MNDA: variants seen among roughly 807,000 people sequenced by gnomAD.
MNDA encodes the protein myeloid cell nuclear differentiation antigen.
A neutral mutation model predicts 37.8 loss-of-function variants in MNDA; 43 were observed. The observed-to-expected ratio is 1.14, with a 90% CI of 0.89 to 1.47. The LOEUF (loss-of-function observed/expected upper bound fraction) is 1.47, where lower values mean the gene tolerates loss of function less well. Ranked by LOEUF, MNDA falls within the 40% of genes most tolerant of loss-of-function variation. The pLI, the probability that MNDA is intolerant of heterozygous loss-of-function variation, is 0.00. For synonymous variants in MNDA, 181 were observed against 169.0 expected (o/e 1.07, Z -0.55); for missense variants, 536 against 476.0 (o/e 1.13, Z -1.17).
At chr1:158,842,081 T>G (rs1179393809) in intron 1 of MNDA, 53 bp from the exon 2 acceptor site, 1 of 1,478,874 alleles carries the variant, frequency 6.8e-7, no homozygotes, top group Non-Finnish European at 9.1e-7. Context: ...TATCTCATTT[T>G]TTAAAATTGT....
intron 2 of MNDA, among the ~76,000 whole-genome samples, chr1:158,843,039 A>C (rs1659062883): frequency 6.6e-6 from 1 of 152,234 alleles, no homozygotes. Context: ...GAAAGGAAGC[A>C]TGTTCTCACT....
chr1:158,842,963 T>C (rs1558056914), intron 2 of MNDA, among the ~76,000 whole-genome samples: 1 of 152,186 alleles, frequency 6.6e-6, no homozygotes, highest in East Asian at 1.9e-4. Context: ...AAGCCTTAGA[T>C]ATTTAAAAGA....
At chr1:158,847,945 T>G (rs1268678546) in intron 6 of MNDA, 29 bp downstream of exon 6, 6 of 1,588,878 alleles carry the variant, frequency 3.8e-6, no homozygotes, top group Non-Finnish European at 5.1e-6. Flanking sequence ...AGAATGAGTT[T>G]GCTAAAGAGG....
intron 1 of MNDA, among the ~76,000 whole-genome samples, chr1:158,836,151 A>AC (rs57473268): frequency 2.0e-5 from 3 of 151,768 alleles, no homozygotes; most frequent in Non-Finnish European, 4.4e-5. Flanking sequence ...TAAAAAAAAA[A>AC]TGCATCGACA....
At chr1:158,835,406 C>T (rs1027940263) in intron 1 of MNDA, among the ~76,000 whole-genome samples, 1 of 151,906 alleles carries the variant, frequency 6.6e-6, no homozygotes, top group Non-Finnish European at 1.5e-5. Context: ...CCTTTTTGTT[C>T]GTTGTTAGCG....
Position 158,831,459 on chromosome 1 carries a change from G to A in MNDA, c.-119G>A, listed in dbSNP as rs1658801140. On this transcript the variant is annotated 5_prime_UTR_variant, in exon 1 of 7. Coordinates refer to ENST00000368141, the MANE Select transcript of MNDA (RefSeq NM_002432.3). Reference sequence around the variant, plus strand: ...CTTTACAAGATTAAAATAGTCTGCAGTTTAATCTCTCCAAAGCTTTACGGA... The same window carrying A: ...CTTTACAAGATTAAAATAGTCTGCAATTTAATCTCTCCAAAGCTTTACGGA... 2 of 152,190 alleles carry A rather than the reference G, an allele frequency of 1.3e-5. No homozygotes were observed. Among genetic ancestry groups the A allele is most frequent in the South Asian group, 4.1e-4 (2 of 4,834 alleles). The allele number at this position is 152,190 out of a possible 1,614,324, so 9.4% of individuals were successfully genotyped here.
intron 1 of MNDA, among the ~76,000 whole-genome samples, chr1:158,841,256 C>T (rs1332852855): frequency 1.3e-5 from 2 of 152,090 alleles, no homozygotes; most frequent in Non-Finnish European, 2.9e-5. Context: ...AACAGACACA[C>T]ACAAAAAGAA....
chr1:158,842,562 C>G (rs1441057944), intron 2 of MNDA, 144 bp downstream of exon 2: 2 of 747,920 alleles, frequency 2.7e-6, no homozygotes, highest in African/African-American at 3.5e-5. Flanking sequence ...CAGAGACTGA[C>G]CAGTTGGCAA....
intron 1 of MNDA, among the ~76,000 whole-genome samples, chr1:158,837,768 T>C (rs535254909): frequency 6.6e-6 from 1 of 151,872 alleles, no homozygotes; most frequent in Non-Finnish European, 1.5e-5. Flanking sequence ...CCATTTTTTA[T>C]TTGTTTTCTG....
At chr1:158,836,573 C>G (rs527337567) in intron 1 of MNDA, among the ~76,000 whole-genome samples, 3 of 151,790 alleles carry the variant, frequency 2.0e-5, no homozygotes, top group Admixed American at 6.6e-5. Flanking sequence ...GTAATGTTCT[C>G]TTTTTAGTTT....
chr1:158,846,044 T>C, intron 5 of MNDA, 41 bp downstream of exon 5: 1 of 1,497,412 alleles, frequency 6.7e-7, no homozygotes, highest in Non-Finnish European at 9.0e-7. Flanking sequence ...TACCATTACC[T>C]GGAAATAAAT....
Position 158,847,926 on chromosome 1 carries a change from G to A in MNDA, c.1176+10G>A. 2.5e-6 allele frequency: 4 copies of A among 1,605,396 alleles called. No individual in the cohort carries two copies. The highest frequency in any genetic ancestry group is 3.4e-6 in the Non-Finnish European group (4 of 1,175,814). On this transcript the variant is annotated intron_variant, in intron 6 of 6. Transcript: ENST00000368141. ...TCACAGCTTCATCAAGGTGGGAACT[G>A]GATAGAGGAGAATGAGTTTGCTAAA...
intron 4 of MNDA, among the ~76,000 whole-genome samples, chr1:158,844,598 G>T (rs886808725): frequency 1.3e-5 from 2 of 151,202 alleles, no homozygotes; most frequent in African/African-American, 4.9e-5. Context: ...CACAGTCGAG[G>T]ACATAGCTCT....
intron 1 of MNDA, among the ~76,000 whole-genome samples, chr1:158,838,949 T>C (rs1017123752): frequency 1.3e-5 from 2 of 152,166 alleles, no homozygotes; most frequent in African/African-American, 2.4e-5. Flanking sequence ...CTATTTTTTG[T>C]CTATTCTCAT....
chr1:158,835,427 C>G (rs1234835212), intron 1 of MNDA, among the ~76,000 whole-genome samples: 3 of 152,032 alleles, frequency 2.0e-5, no homozygotes, highest in Non-Finnish European at 4.4e-5. Context: ...TATAAAAACA[C>G]AACTGATTTG....
rs201469217 is a variant in MNDA at position 158,847,849 on chromosome 1, T to C, written c.1109T>C (p.Phe370Ser). ...KCEKGDKLRLFCLQLRTVDRK... is the reference protein window; with the variant it reads ...KCEKGDKLRLSCLQLRTVDRK... Reference sequence around the variant, plus strand: ...GAGAAAGGAGATAAACTTCGACTCTTCTGCCTTCAACTGAGAACAGTTGAC... The same window carrying C: ...GAGAAAGGAGATAAACTTCGACTCTCCTGCCTTCAACTGAGAACAGTTGAC... Residue 370 changes from phenylalanine (F) to serine (S), a missense_variant, in exon 6 of 7, where the codon TTC becomes TCC. Physicochemically the swap from Phe to Ser is radical, Grantham distance 155. Coordinates refer to ENST00000368141, the MANE Select transcript of MNDA (RefSeq NM_002432.3). 28 of 1,614,092 alleles carry C rather than the reference T, an allele frequency of 1.7e-5. No homozygotes were observed. In the Admixed American group the frequency reaches 4.7e-4, roughly 27 times the overall value.
At chr1:158,834,231 A>ATTTTTTT (rs58502272) in intron 1 of MNDA, among the ~76,000 whole-genome samples, 1 of 130,254 alleles carries the variant, frequency 7.7e-6, no homozygotes, top group African/African-American at 3.0e-5. Flanking sequence ...TCCTTTATCA[A>ATTTTTTT]TTTTTTTTTT....
rs1386979889 is a variant in MNDA, at chr1:158,843,294, A to C, written c.281A>C (p.Lys94Thr). 2 of 1,610,258 alleles carry C rather than the reference A, an allele frequency of 1.2e-6. No homozygotes were observed. The highest frequency in any genetic ancestry group is 1.7e-6 in the Non-Finnish European group (2 of 1,178,646). ...KEKSKVAKKI[K>T]TQEKAPVKKI... ...CTTTTGTCAGTTGCTAAGAAAATTA[A>C]AACACAAGAAAAAGCTCCAGTGAAA... The change falls in exon 3 of 7, where the codon AAA becomes ACA. Residue 94 changes from lysine to threonine, a missense_variant. Lys to Thr is a moderately conservative substitution (Grantham distance 78, BLOSUM62 -1). Coordinates refer to ENST00000368141, the MANE Select transcript of MNDA (RefSeq NM_002432.3).
At chr1:158,837,383 C>T (rs915707342) in intron 1 of MNDA, among the ~76,000 whole-genome samples, 4 of 151,568 alleles carry the variant, frequency 2.6e-5, no homozygotes, top group Admixed American at 2.6e-4. Flanking sequence ...ATTAGGAGCC[C>T]TGATGTTTTG....
Sources: gnomAD v4.1 joint callset for allele counts (sites outside exome capture counted in the v4.1 genomes callset) on GRCh38, gnomAD v4.1.1 for gene constraint, MANE v1.5 for transcripts, NCBI Gene and HGNC (gene_info 2026-07-23, HGNC 2026-07-21) for gene names.